COL4A2: variants seen among roughly 807,000 people sequenced by gnomAD.
COL4A2 encodes collagen alpha-2(IV) chain.
A neutral mutation model predicts 200.2 loss-of-function variants in COL4A2; 99 were observed. The observed-to-expected ratio is 0.49, with a 90% confidence interval of 0.42 to 0.58. The LOEUF (loss-of-function observed/expected upper bound fraction) is 0.58, where lower values mean the gene tolerates loss of function less well. Ranked by LOEUF, COL4A2 falls within the 20% of genes least tolerant of loss-of-function variation. The pLI, the probability that COL4A2 is intolerant of heterozygous loss-of-function variation, is 0.00. For missense variants in COL4A2, 1,950 were observed against 2,314.1 expected, an observed-to-expected ratio of 0.84 and a Z score of 3.23; for synonymous variants, 897 against 900.6, an observed-to-expected ratio of 1.00 and a Z score of 0.07.
intron 3 of COL4A2, among the ~76,000 whole-genome samples, chr13:110,346,763 G>C (rs762347528): frequency 6.6e-6 from 1 of 152,146 alleles, no homozygotes; most frequent in African/African-American, 2.4e-5. Context: ...TAGGTTCCAG[G>C]CTTCTAGACC....
rs537862164 is a variant in COL4A2 at position 110,465,749 on chromosome 13, C to A, written c.1978+143C>A. 2.9e-5 allele frequency: 26 copies of A among 900,372 alleles called. No homozygotes were observed. In the African/African-American group the frequency reaches 4.4e-4, roughly 15 times the overall value. The allele number at this position is 900,372 out of a possible 1,614,324, so 55.8% of individuals were successfully genotyped here. ...CTCGCACGTACAAGGGATGACCCAACTGTGAGGTTTCTGAGCCCCCACCAG... is the reference window on the plus strand; with the variant it reads ...CTCGCACGTACAAGGGATGACCCAAATGTGAGGTTTCTGAGCCCCCACCAG... On this transcript the variant is annotated intron_variant, in intron 25 of 47. Coordinates refer to ENST00000360467, the MANE Select transcript of COL4A2 (RefSeq NM_001846.4).
At chr13:110,366,623 C>T (rs973523957) in intron 4 of COL4A2, among the ~76,000 whole-genome samples, 2 of 152,100 alleles carry the variant, frequency 1.3e-5, no homozygotes, top group African/African-American at 4.8e-5. Flanking sequence ...TTGAATTTGC[C>T]ACCTAAATGC....
intron 37 of COL4A2, among the ~76,000 whole-genome samples, 155 bp from the exon 38 acceptor site, chr13:110,491,915 A>T (rs1022073880): frequency 6.6e-6 from 1 of 152,244 alleles, no homozygotes; most frequent in African/African-American, 2.4e-5. Flanking sequence ...CTGCATCCCC[A>T]GCTTGAGGGA....
intron 4 of COL4A2, among the ~76,000 whole-genome samples, chr13:110,394,714 C>G (rs1297354344): frequency 6.6e-6 from 1 of 152,186 alleles, no homozygotes; most frequent in Admixed American, 6.5e-5. Context: ...AGGTGGGCTC[C>G]TCCGCGGGTG....
At chr13:110,337,884 A>G (rs1876273891) in intron 3 of COL4A2, among the ~76,000 whole-genome samples, 1 of 152,260 alleles carries the variant, frequency 6.6e-6, no homozygotes. Context: ...ACTAAAATAT[A>G]TGCAGTGAGC....
intron 20 of COL4A2, chr13:110,456,607 C>CT (rs1479593980): frequency 1.6e-5 from 6 of 373,744 alleles, no homozygotes; most frequent in East Asian, 7.3e-5. Flanking sequence ...ACAAAATAGT[C>CT]TAAGTTTTCT....
intron 47 of COL4A2, among the ~76,000 whole-genome samples, chr13:110,509,245 T>TTTTATATATATA (rs1555334027): frequency 1.4e-5 from 1 of 72,004 alleles, no homozygotes; most frequent in African/African-American, 4.4e-5. Flanking sequence ...ATTTCATAAA[T>TTTTATATATATA]TATATATATA....
intron 4 of COL4A2, among the ~76,000 whole-genome samples, chr13:110,360,899 T>C (rs1259746474): frequency 1.3e-4 from 19 of 151,194 alleles, no homozygotes; most frequent in Non-Finnish European, 2.6e-4. Flanking sequence ...TGCTTGACAC[T>C]GTCATTTCAC....
chr13:110,386,526 GAA>G (rs993237967), intron 4 of COL4A2, among the ~76,000 whole-genome samples: 1 of 152,128 alleles, frequency 6.6e-6, no homozygotes, highest in African/African-American at 2.4e-5. Flanking sequence ...AAATGGAAAT[GAA>G]AATACTCATA....
chr13:110,504,312 C>A, intron 45 of COL4A2, 48 bp downstream of exon 45: 1 of 1,483,132 alleles, frequency 6.7e-7, no homozygotes, highest in South Asian at 1.1e-5. Flanking sequence ...TGCTCTGGAT[C>A]TGACTCACAG....
At chr13:110,389,490 G>A (rs952266025) in intron 4 of COL4A2, among the ~76,000 whole-genome samples, 1 of 152,204 alleles carries the variant, frequency 6.6e-6, no homozygotes, top group Non-Finnish European at 1.5e-5. Context: ...CCTCACAGCT[G>A]GGGAGCCCAT....
At chr13:110,506,141 CTCTT>C (rs1883853679) in intron 45 of COL4A2, among the ~76,000 whole-genome samples, 1 of 152,146 alleles carries the variant, frequency 6.6e-6, no homozygotes. Context: ...TGCTCTCTCT[CTCTT>C]TCTCAGGCTG....
chr13:110,326,893 G>A (rs778153939), intron 3 of COL4A2, among the ~76,000 whole-genome samples: 15 of 152,214 alleles, frequency 9.9e-5, no homozygotes, highest in Non-Finnish European at 1.8e-4. Flanking sequence ...TCACCCGCCC[G>A]CTCAAGAGCG....
In COL4A2 at chr13:110,450,426, C is replaced by G. The variant is rs983571984; in HGVS notation, c.1311C>G (p.Pro437=). 6.2e-6 allele frequency: 10 copies of G among 1,613,730 alleles called. No individual in the cohort carries two copies. In the Admixed American group the frequency reaches 1.2e-4, roughly 19 times the overall value. Residue 437 remains proline (P), a synonymous_variant, in exon 20 of 48, where the codon CCC becomes CCG. Coordinates refer to ENST00000360467, the MANE Select transcript of COL4A2 (RefSeq NM_001846.4). The part of the protein sequence containing the change: ...PDGKRGPPGP[P]GLPGPPGPDG... ...GAAAGCGAGGGCCTCCAGGACCCCCCGGGCTCCCTGGACCACCTGGACCTG... is the reference window on the plus strand; with the variant it reads ...GAAAGCGAGGGCCTCCAGGACCCCCGGGGCTCCCTGGACCACCTGGACCTG...
chr13:110,471,023 G>T (rs534838646), intron 28 of COL4A2, among the ~76,000 whole-genome samples: 34 of 152,194 alleles, frequency 2.2e-4, no homozygotes, highest in African/African-American at 7.2e-4. Context: ...CCCAGGGGTT[G>T]GTCTCTGTGG....
chr13:110,309,662 G>A (rs1432611522), intron 3 of COL4A2, among the ~76,000 whole-genome samples: 1 of 152,130 alleles, frequency 6.6e-6, no homozygotes, highest in Non-Finnish European at 1.5e-5. Flanking sequence ...CCTAAAATTG[G>A]TAGAAAGACC....
chr13:110,332,531 A>C (rs1294436253), intron 3 of COL4A2, among the ~76,000 whole-genome samples: 1 of 152,234 alleles, frequency 6.6e-6, no homozygotes, highest in African/African-American at 2.4e-5. Context: ...CTTCTAGAGC[A>C]CTTTTCCTCC....
At chr13:110,392,606 T>A (rs1879030580) in intron 4 of COL4A2, among the ~76,000 whole-genome samples, 1 of 152,104 alleles carries the variant, frequency 6.6e-6, no homozygotes, top group African/African-American at 2.4e-5. Flanking sequence ...CCCTACCCCA[T>A]GCAGAAAAAA....
At chr13:110,409,710 A>C (rs1304913465) in intron 4 of COL4A2, among the ~76,000 whole-genome samples, 1 of 152,230 alleles carries the variant, frequency 6.6e-6, no homozygotes, top group Non-Finnish European at 1.5e-5. Context: ...CCCGGGCTTC[A>C]TGTCTGGACA....
Sources: allele counts gnomAD v4.1 joint callset (sites outside exome capture counted in the v4.1 genomes callset), GRCh38; gene constraint gnomAD v4.1.1; transcripts MANE v1.5; gene names NCBI Gene and HGNC (gene_info 2026-07-23, HGNC 2026-07-21).